Variants in PPM1E observed in about 807,000 individuals in gnomAD.
PPM1E encodes the protein protein phosphatase, Mg2+/Mn2+ dependent 1E, also known as protein phosphatase 1E.
PPM1E carries 20 observed loss-of-function variants against 65.9 expected under a neutral mutation model. That is an observed-to-expected ratio of 0.30 (90% CI 0.21 to 0.44). The LOEUF (loss-of-function observed/expected upper bound fraction) is 0.44. PPM1E is among the 20% of genes least tolerant of loss of function. PPM1E has a pLI of 1.00. For synonymous variants in PPM1E, 352 were observed against 374.9 expected (o/e 0.94, Z 0.70); for missense variants, 713 against 953.1 (o/e 0.75, Z 3.32).
intron 1 of PPM1E, among the ~76,000 whole-genome samples, chr17:58,765,373 T>G (rs2144153552): frequency 6.6e-6 from 1 of 152,090 alleles, no homozygotes; most frequent in South Asian, 2.1e-4. Context: ...AGACGTAGTT[T>G]CACCATGTTG....
At chr17:58,837,320 A>AACACACAC (rs371754222) in intron 1 of PPM1E, among the ~76,000 whole-genome samples, 32 of 120,282 alleles carry the variant, frequency 2.7e-4, no homozygotes, top group African/African-American at 1.0e-3. Flanking sequence ...GAATGAGAAT[A>AACACACAC]ACACACACAC....
chr17:58,784,466 A>C (rs1027031017), intron 1 of PPM1E, among the ~76,000 whole-genome samples: 6 of 149,910 alleles, frequency 4.0e-5, no homozygotes, highest in Non-Finnish European at 7.4e-5. Flanking sequence ...CTTTGGAGAA[A>C]TATTCATTCA....
intron 1 of PPM1E, among the ~76,000 whole-genome samples, chr17:58,939,974 C>A (rs1027871905): frequency 6.6e-6 from 1 of 152,164 alleles, no homozygotes; most frequent in Admixed American, 6.6e-5. Flanking sequence ...AATGATACTG[C>A]AAATATTAAA....
intron 1 of PPM1E, among the ~76,000 whole-genome samples, chr17:58,868,460 G>A (rs749178326): frequency 3.3e-5 from 5 of 151,950 alleles, no homozygotes; most frequent in Non-Finnish European, 5.9e-5. Flanking sequence ...TGAGAAGAGG[G>A]AAGTTCCCTC....
intron 2 of PPM1E, among the ~76,000 whole-genome samples, chr17:58,960,765 CAAA>C (rs58614877): frequency 5.8e-5 from 4 of 68,896 alleles, no homozygotes; most frequent in African/African-American, 4.6e-5. Context: ...GACTCTGTCT[CAAA>C]AAAAAAAAAA....
intron 1 of PPM1E, among the ~76,000 whole-genome samples, chr17:58,947,662 A>T (rs569229817): frequency 6.6e-6 from 1 of 151,092 alleles, no homozygotes; most frequent in Non-Finnish European, 1.5e-5. Context: ...TTTAGTCTTC[A>T]TAGGTCCCTT....
At chr17:58,854,518 A>G (rs1598611846) in intron 1 of PPM1E, among the ~76,000 whole-genome samples, 3 of 152,278 alleles carry the variant, frequency 2.0e-5, no homozygotes, top group African/African-American at 4.8e-5. Flanking sequence ...TCGTCTTTTC[A>G]TCATTGAATA....
At chr17:58,836,877 G>A (rs1171290876) in intron 1 of PPM1E, among the ~76,000 whole-genome samples, 12 of 149,864 alleles carry the variant, frequency 8.0e-5, no homozygotes, top group East Asian at 2.0e-4. Context: ...AAAATTAGCC[G>A]GGCATGGTGG....
chr17:58,844,764 C>T (rs985767284), intron 1 of PPM1E, among the ~76,000 whole-genome samples: 7 of 152,178 alleles, frequency 4.6e-5, no homozygotes, highest in Non-Finnish European at 8.8e-5. Context: ...AGCAATCAAT[C>T]TTTAGAGTAG....
At chr17:58,799,555 GCCTCA>G (rs551482479) in intron 1 of PPM1E, among the ~76,000 whole-genome samples, 57 of 152,220 alleles carry the variant, frequency 3.7e-4, no homozygotes, top group Admixed American at 2.1e-3. Flanking sequence ...CGATTCTTCT[GCCTCA>G]GCCTCCCAAG....
chr17:58,944,542 C>G (rs947781035), intron 1 of PPM1E, among the ~76,000 whole-genome samples: 1 of 151,860 alleles, frequency 6.6e-6, no homozygotes, highest in Admixed American at 6.6e-5. Flanking sequence ...CTATAAATTT[C>G]CTATTCTGGG....
intron 1 of PPM1E, among the ~76,000 whole-genome samples, chr17:58,780,443 A>G (rs1007774930): frequency 1.3e-5 from 2 of 152,214 alleles, no homozygotes; most frequent in Non-Finnish European, 2.9e-5. Context: ...CGAGCAGTAG[A>G]TACTTTCAAT....
intron 1 of PPM1E, among the ~76,000 whole-genome samples, chr17:58,898,245 C>T (rs1248791429): frequency 6.8e-6 from 1 of 146,586 alleles, no homozygotes; most frequent in Non-Finnish European, 1.5e-5. Context: ...CAGAGGGAGA[C>T]TGCGTCTCAA....
At chr17:58,929,145 G>T (rs1049217890) in intron 1 of PPM1E, among the ~76,000 whole-genome samples, 2 of 152,034 alleles carry the variant, frequency 1.3e-5, no homozygotes, top group African/African-American at 4.8e-5. Flanking sequence ...AATTATTATT[G>T]ATATACAATA....
At chr17:58,839,330 A>G (rs1452223428) in intron 1 of PPM1E, among the ~76,000 whole-genome samples, 1 of 152,044 alleles carries the variant, frequency 6.6e-6, no homozygotes, top group East Asian at 1.9e-4. Flanking sequence ...TCTAAAAAAA[A>G]AAATTTTTTT....
At chr17:58,912,718 G>A (rs1407149840) in intron 1 of PPM1E, among the ~76,000 whole-genome samples, 1 of 152,184 alleles carries the variant, frequency 6.6e-6, no homozygotes, top group African/African-American at 2.4e-5. Context: ...TCAGGATGGG[G>A]GTGCTGGTTG....
At chr17:58,896,595 A>G (rs958322896) in intron 1 of PPM1E, among the ~76,000 whole-genome samples, 2 of 152,160 alleles carry the variant, frequency 1.3e-5, no homozygotes, top group Non-Finnish European at 1.5e-5. Flanking sequence ...AAATAAATAA[A>G]TAAAATAAAA....
chr17:58,911,029 G>C (rs1008179929), intron 1 of PPM1E, among the ~76,000 whole-genome samples: 4 of 152,002 alleles, frequency 2.6e-5, no homozygotes, highest in Non-Finnish European at 5.9e-5. Flanking sequence ...CCTCTGACTG[G>C]GTCTTCCTGG....
At chr17:58,901,848 T>C (rs1415739984) in intron 1 of PPM1E, among the ~76,000 whole-genome samples, 1 of 151,624 alleles carries the variant, frequency 6.6e-6, no homozygotes, top group African/African-American at 2.4e-5. Context: ...TAGTGGTACA[T>C]GCCTGTAATC....
Sources: gnomAD v4.1 joint callset for allele counts (sites outside exome capture counted in the v4.1 genomes callset) on GRCh38, gnomAD v4.1.1 for gene constraint, MANE v1.5 for transcripts, NCBI Gene and HGNC (gene_info 2026-07-23, HGNC 2026-07-21) for gene names.